The following FHIT variants were observed in gnomAD, a reference collection of about 807,000 sequenced individuals.
FHIT encodes the protein fragile histidine triad diadenosine triphosphatase.
Under a neutral mutation model 17.9 loss-of-function variants are expected in FHIT, and 19 were observed. The observed-to-expected ratio is 1.06, with a 90% CI of 0.74 to 1.56. The LOEUF is 1.56. FHIT is among the 40% of genes most tolerant of loss of function. The probability of loss-of-function intolerance (pLI) is 0.00; values close to 1 mark genes in which losing one functional copy is unlikely to be tolerated. For missense variants in FHIT, 248 were observed against 189.2 expected, an observed-to-expected ratio of 1.31 and a Z score of -1.82; for synonymous variants, 81 against 69.7, an observed-to-expected ratio of 1.16 and a Z score of -0.81.
Position 60,498,218 on chromosome 3 carries a change from T to C in FHIT, c.103+38642A>G, listed in dbSNP as rs2034382209. On this transcript the variant is annotated intron_variant, in intron 5 of 9. Transcript: ENST00000492590. ...TTTAAATTTAAGGCATTTCCTCCAA[T>C]CTTTGAAAGTAAAGTTTTATGTATG... Among the ~76,000 whole-genome samples the C allele has an allele frequency of 2.0e-5, 3 of 152,192 alleles. No individual in the cohort carries two copies. The South Asian group carries it at 6.2e-4, about 32-fold the overall frequency.
At chr3:59,949,099 G>A (rs1308956537) in intron 7 of FHIT, among the ~76,000 whole-genome samples, 1 of 152,086 alleles carries the variant, frequency 6.6e-6, no homozygotes, top group African/African-American at 2.4e-5. Context: ...TTATGTCCAT[G>A]AGTACCTGAT....
intron 5 of FHIT, among the ~76,000 whole-genome samples, chr3:60,269,720 T>G (rs1706768071): frequency 6.6e-6 from 1 of 151,920 alleles, no homozygotes; most frequent in Non-Finnish European, 1.5e-5. Context: ...CAACACAGGG[T>G]CATTTTCTTC....
intron 2 of FHIT, among the ~76,000 whole-genome samples, chr3:61,195,295 G>T (rs116280304): frequency 6.6e-6 from 1 of 151,876 alleles, no homozygotes; most frequent in Admixed American, 6.6e-5. Flanking sequence ...AAAAAAAAAT[G>T]GCCAGATGAA....
At chr3:60,140,020 G>A (rs1178083647) in intron 5 of FHIT, among the ~76,000 whole-genome samples, 1 of 151,888 alleles carries the variant, frequency 6.6e-6, no homozygotes, top group Non-Finnish European at 1.5e-5. Context: ...TACTCAGGAG[G>A]CTGAGGCAGA....
chr3:60,199,910 T>C (rs950801720), intron 5 of FHIT, among the ~76,000 whole-genome samples: 4 of 152,146 alleles, frequency 2.6e-5, no homozygotes, highest in Non-Finnish European at 5.9e-5. Context: ...TATACCAGTA[T>C]ACAATATAAC....
chr3:60,161,926 T>G (rs1047744085), intron 5 of FHIT, among the ~76,000 whole-genome samples: 11 of 152,280 alleles, frequency 7.2e-5, no homozygotes, highest in African/African-American at 2.6e-4. Context: ...TAGATCACTC[T>G]TCTCTGCTGA....
intron 4 of FHIT, among the ~76,000 whole-genome samples, chr3:60,600,223 C>T (rs1296594024): frequency 1.3e-5 from 2 of 152,070 alleles, no homozygotes; most frequent in African/African-American, 2.4e-5. Flanking sequence ...GGGACTTGTT[C>T]TTTAATTCCA....
At chr3:60,672,999 C>T (rs917197568) in intron 4 of FHIT, among the ~76,000 whole-genome samples, 27 of 150,482 alleles carry the variant, frequency 1.8e-4, no homozygotes, top group African/African-American at 6.3e-4. Flanking sequence ...AATATAAGAA[C>T]CTGACATTTA....
intron 4 of FHIT, among the ~76,000 whole-genome samples, chr3:60,565,780 A>C (rs1221892305): frequency 3.3e-5 from 5 of 152,118 alleles, no homozygotes; most frequent in Admixed American, 3.3e-4. Context: ...CTCTGATCTT[A>C]GTTATTTCTT....
intron 4 of FHIT, among the ~76,000 whole-genome samples, chr3:60,741,138 C>T (rs1213130633): frequency 1.3e-5 from 2 of 152,172 alleles, no homozygotes; most frequent in Admixed American, 6.5e-5. Flanking sequence ...ATGAACAAAC[C>T]TCCTCCCTTC....
At chr3:61,155,326 T>G (rs916792736) in intron 2 of FHIT, among the ~76,000 whole-genome samples, 1 of 152,158 alleles carries the variant, frequency 6.6e-6, no homozygotes, top group African/African-American at 2.4e-5. Flanking sequence ...AAAAAACAGA[T>G]GCTAAATAAT....
intron 5 of FHIT, among the ~76,000 whole-genome samples, chr3:60,513,775 G>A (rs904226795): frequency 6.6e-6 from 1 of 152,122 alleles, no homozygotes; most frequent in Non-Finnish European, 1.5e-5. Flanking sequence ...GGCCTTAAAT[G>A]AGAATAGGCA....
At chr3:60,305,483 C>A (rs1269167285) in intron 5 of FHIT, among the ~76,000 whole-genome samples, 1 of 152,130 alleles carries the variant, frequency 6.6e-6, no homozygotes, top group African/African-American at 2.4e-5. Flanking sequence ...TGAGTTACTG[C>A]CAACAAGTTA....
At chr3:59,845,535 G>T (rs946135731) in intron 8 of FHIT, among the ~76,000 whole-genome samples, 36 of 151,890 alleles carry the variant, frequency 2.4e-4, no homozygotes, top group Admixed American at 8.5e-4. Flanking sequence ...ATTTAATCCA[G>T]TTGTTGCTTA....
At chr3:60,492,627 C>A (rs970934410) in intron 5 of FHIT, among the ~76,000 whole-genome samples, 1 of 151,636 alleles carries the variant, frequency 6.6e-6, no homozygotes, top group South Asian at 2.1e-4. Context: ...CTGCCTCAGT[C>A]TCCCAAGTAA....
At chr3:60,055,441 GGACT>G (rs1702041668) in intron 5 of FHIT, among the ~76,000 whole-genome samples, 2 of 139,412 alleles carry the variant, frequency 1.4e-5, no homozygotes, top group Admixed American at 7.3e-5. Context: ...GTATGGTGAT[GGACT>G]TTCTTTTTTT....
intron 5 of FHIT, among the ~76,000 whole-genome samples, chr3:60,316,130 T>C (rs1031900779): frequency 6.6e-6 from 1 of 152,176 alleles, no homozygotes; most frequent in Non-Finnish European, 1.5e-5. Context: ...TATGCAGAAA[T>C]GTCACTTTTT....
chr3:60,762,233 G>C (rs1553720181), intron 4 of FHIT, among the ~76,000 whole-genome samples: 1 of 151,932 alleles, frequency 6.6e-6, no homozygotes, highest in African/African-American at 2.4e-5. Context: ...TTTTAACTTA[G>C]ATAAAAAATA....
At chr3:59,946,984 G>T (rs1487514833) in intron 7 of FHIT, among the ~76,000 whole-genome samples, 1 of 151,390 alleles carries the variant, frequency 6.6e-6, no homozygotes, top group African/African-American at 2.5e-5. Context: ...TATTTTTATT[G>T]TGTCTCTGCC....
Sources: allele counts gnomAD v4.1 joint callset (sites outside exome capture counted in the v4.1 genomes callset), GRCh38; gene constraint gnomAD v4.1.1; transcripts MANE v1.5; gene names NCBI Gene and HGNC (gene_info 2026-07-23, HGNC 2026-07-21).